CYP39A1: variants seen among roughly 807,000 people sequenced by gnomAD.
The protein encoded by CYP39A1 is cytochrome P450 family 39 subfamily A member 1, also known as 24-hydroxycholesterol 7-alpha-hydroxylase.
CYP39A1 carries 49 observed loss-of-function variants against 58.1 expected under a neutral mutation model. That is an observed-to-expected ratio of 0.84 (90% CI 0.67 to 1.07). CYP39A1 has a LOEUF of 1.07. Ranked by LOEUF, CYP39A1 falls within the 50% of genes least tolerant of loss-of-function variation. The pLI, the probability that CYP39A1 is intolerant of heterozygous loss-of-function variation, is 0.00. For missense variants in CYP39A1, 531 were observed against 539.4 expected, an observed-to-expected ratio of 0.98 and a Z score of 0.16; for synonymous variants, 209 against 187.6, an observed-to-expected ratio of 1.11 and a Z score of -0.93.
At chr6:46,598,832 A>C (rs1023016096) in intron 7 of CYP39A1, among the ~76,000 whole-genome samples, 1 of 152,170 alleles carries the variant, frequency 6.6e-6, no homozygotes, top group Non-Finnish European at 1.5e-5. Flanking sequence ...CTAATTTTTG[A>C]ATTAGTTTAT....
intron 11 of CYP39A1, among the ~76,000 whole-genome samples, chr6:46,552,867 C>A (rs1770477004): frequency 6.6e-6 from 1 of 151,778 alleles, no homozygotes. Context: ...GCCAACATGG[C>A]AAAACAACAT....
chr6:46,636,336 C>G, intron 5 of CYP39A1, 53 bp downstream of exon 5: 2 of 1,338,502 alleles, frequency 1.5e-6, no homozygotes, highest in South Asian at 1.3e-5. Flanking sequence ...ATTTTAACAA[C>G]AATAATTTAT....
intron 1 of CYP39A1, among the ~76,000 whole-genome samples, chr6:46,647,534 C>G (rs896821413): frequency 1.3e-5 from 2 of 152,186 alleles, no homozygotes; most frequent in African/African-American, 2.4e-5. Context: ...CCCACATTTT[C>G]AGAATTTCAC....
intron 1 of CYP39A1, among the ~76,000 whole-genome samples, chr6:46,649,379 G>A (rs1192389732): frequency 6.6e-6 from 1 of 152,220 alleles, no homozygotes; most frequent in African/African-American, 2.4e-5. Context: ...GTGTTCATTA[G>A]AGGTGAGTCA....
intron 2 of CYP39A1, among the ~76,000 whole-genome samples, chr6:46,641,091 T>C (rs533130674): frequency 1.3e-5 from 2 of 152,092 alleles, no homozygotes; most frequent in South Asian, 4.2e-4. Context: ...AGAATAAATA[T>C]TAATATATTT....
At chr6:46,565,177 G>A (rs1771210529) in intron 10 of CYP39A1, among the ~76,000 whole-genome samples, 1 of 151,876 alleles carries the variant, frequency 6.6e-6, no homozygotes, top group African/African-American at 2.4e-5. Context: ...GTGGTCTGGG[G>A]ACCACATTTT....
intron 10 of CYP39A1, among the ~76,000 whole-genome samples, chr6:46,555,156 C>T (rs186972999): frequency 6.6e-6 from 1 of 152,182 alleles, no homozygotes; most frequent in Non-Finnish European, 1.5e-5. Flanking sequence ...TCCTCTCCCC[C>T]AGAGCTCCCC....
At chr6:46,613,886 A>G (rs1774366046) in intron 7 of CYP39A1, among the ~76,000 whole-genome samples, 1 of 150,874 alleles carries the variant, frequency 6.6e-6, no homozygotes, top group African/African-American at 2.4e-5. Flanking sequence ...TTAATCTTTT[A>G]CAATCTGGTA....
chr6:46,652,051 T>G (rs1373759639), intron 1 of CYP39A1, among the ~76,000 whole-genome samples: 1 of 152,266 alleles, frequency 6.6e-6, no homozygotes, highest in Non-Finnish European at 1.5e-5. Flanking sequence ...TACGAATTAC[T>G]CATTTTCACA....
chr6:46,606,688 T>A (rs1249630757), intron 7 of CYP39A1, among the ~76,000 whole-genome samples: 1 of 152,154 alleles, frequency 6.6e-6, no homozygotes, highest in African/African-American at 2.4e-5. Flanking sequence ...GAAAATCAAG[T>A]AAAAGAAATG....
intron 10 of CYP39A1, among the ~76,000 whole-genome samples, chr6:46,557,874 T>C (rs1328563959): frequency 2.2e-5 from 3 of 136,738 alleles, no homozygotes; most frequent in African/African-American, 8.7e-5. Flanking sequence ...AGGCAGAGTT[T>C]GCAATGAGCT....
chr6:46,582,301 A>G (rs1367045412), intron 10 of CYP39A1, among the ~76,000 whole-genome samples: 5 of 152,182 alleles, frequency 3.3e-5, no homozygotes, highest in African/African-American at 1.2e-4. Flanking sequence ...TATAAAAGGG[A>G]GAAAGCTACT....
At chr6:46,602,666 G>A (rs533995262) in intron 7 of CYP39A1, among the ~76,000 whole-genome samples, 1 of 121,582 alleles carries the variant, frequency 8.2e-6, no homozygotes, top group Admixed American at 9.2e-5. Context: ...TACAAAATCA[G>A]CTGGGTGTGG....
intron 7 of CYP39A1, among the ~76,000 whole-genome samples, chr6:46,599,713 A>G (rs1357218095): frequency 1.3e-5 from 2 of 152,096 alleles, no homozygotes; most frequent in East Asian, 3.9e-4. Flanking sequence ...ATAAAATACC[A>G]TCAGTGGGCT....
At chr6:46,592,976 G>T (rs1772933021) in intron 8 of CYP39A1, among the ~76,000 whole-genome samples, 1 of 151,896 alleles carries the variant, frequency 6.6e-6, no homozygotes, top group African/African-American at 2.4e-5. Flanking sequence ...TAACCACAAA[G>T]TAAAACAATC....
At chr6:46,601,305 G>A (rs1374099212) in intron 7 of CYP39A1, among the ~76,000 whole-genome samples, 2 of 152,042 alleles carry the variant, frequency 1.3e-5, no homozygotes, top group African/African-American at 2.4e-5. Context: ...CCTGGTCCAG[G>A]GTGACAGCCT....
intron 1 of CYP39A1, among the ~76,000 whole-genome samples, chr6:46,648,210 C>T (rs1395474226): frequency 6.6e-6 from 1 of 152,034 alleles, no homozygotes; most frequent in African/African-American, 2.4e-5. Context: ...GACACATGCA[C>T]ACGTATGTTT....
At chr6:46,577,506 C>T (rs1450750570) in intron 10 of CYP39A1, among the ~76,000 whole-genome samples, 2 of 151,992 alleles carry the variant, frequency 1.3e-5, no homozygotes, top group Middle Eastern at 3.2e-3. Context: ...GAAACAAGAC[C>T]CAACTGTATT....
chr6:46,589,616 T>A (rs1236412301), intron 8 of CYP39A1, among the ~76,000 whole-genome samples: 3 of 151,996 alleles, frequency 2.0e-5, no homozygotes, highest in Non-Finnish European at 4.4e-5. Context: ...GAGACTCAAA[T>A]CCAAGACTGG....
Sources: gnomAD v4.1 joint callset for allele counts (sites outside exome capture counted in the v4.1 genomes callset) on GRCh38, gnomAD v4.1.1 for gene constraint, MANE v1.5 for transcripts, NCBI Gene and HGNC (gene_info 2026-07-23, HGNC 2026-07-21) for gene names.